The following RAB10 variants were observed in gnomAD, a reference collection of about 807,000 sequenced individuals.
RAB10 encodes the protein RAB10, member RAS oncogene family, also known as ras-related protein Rab-10.
A neutral mutation model predicts 25.7 loss-of-function variants in RAB10; 5 were observed. The observed-to-expected ratio is 0.19, with a 90% CI of 0.10 to 0.41. RAB10 has a LOEUF of 0.41. RAB10 is among the 10% of genes least tolerant of loss of function. The pLI is 1.00. For missense variants in RAB10, 103 were observed against 245.8 expected (o/e 0.42, Z 3.89); for synonymous variants, 89 against 86.4 (o/e 1.03, Z -0.16).
At chr2:26,042,124 A>AAT (rs2149261368) in intron 1 of RAB10, among the ~76,000 whole-genome samples, 1 of 152,202 alleles carries the variant, frequency 6.6e-6, no homozygotes, top group South Asian at 2.1e-4. Flanking sequence ...TGGATGTGCT[A>AAT]CCTTTTGGTG....
At chr2:26,049,255 G>C (rs867890089) in intron 1 of RAB10, among the ~76,000 whole-genome samples, 2 of 150,592 alleles carry the variant, frequency 1.3e-5, no homozygotes, top group African/African-American at 4.9e-5. Flanking sequence ...TAATATGAAG[G>C]CCTTTTCCCC....
intron 2 of RAB10, chr2:26,101,692 A>T (rs1339351797): frequency 7.2e-6 from 1 of 138,310 alleles, no homozygotes; most frequent in Non-Finnish European, 1.5e-5. Context: ...TTCACTGCAC[A>T]TGGGAAATGG....
chr2:26,077,922 C>T (rs1056462457), intron 1 of RAB10, among the ~76,000 whole-genome samples: 12 of 151,784 alleles, frequency 7.9e-5, no homozygotes, highest in Non-Finnish European at 1.5e-4. Flanking sequence ...GGGTTTGCAG[C>T]GAGCCAAGAT....
chr2:26,067,772 CAGAAGTT>C (rs1448185454), intron 1 of RAB10, among the ~76,000 whole-genome samples: 1 of 152,204 alleles, frequency 6.6e-6, no homozygotes, highest in Non-Finnish European at 1.5e-5. Flanking sequence ...AAGACCTTGT[CAGAAGTT>C]AGAAACACCA....
intron 1 of RAB10, among the ~76,000 whole-genome samples, chr2:26,050,980 G>A (rs192895943): frequency 1.8e-4 from 28 of 151,560 alleles, no homozygotes; most frequent in African/African-American, 6.8e-4. Flanking sequence ...GTGCAGTGGC[G>A]TGATCAGGGC....
chr2:26,083,477 G>T (rs931958429), intron 1 of RAB10, among the ~76,000 whole-genome samples: 4 of 123,686 alleles, frequency 3.2e-5, no homozygotes, highest in South Asian at 2.5e-4. Context: ...TTCCTTCCCT[G>T]TACTTTCCTT....
intron 1 of RAB10, among the ~76,000 whole-genome samples, chr2:26,086,020 G>GT (rs1199701330): frequency 7.1e-6 from 1 of 140,068 alleles, no homozygotes; most frequent in Non-Finnish European, 1.5e-5. Flanking sequence ...AAAAAAAAGG[G>GT]GGGGGGCAAA....
At position 26,083,459 on chromosome 2, in the gene RAB10, T is replaced by G. The variant is rs1332644913; in HGVS notation, c.128-15203T>G. On this transcript the variant is annotated intron_variant, in intron 1 of 5. Coordinates refer to ENST00000264710, the MANE Select transcript of RAB10 (RefSeq NM_016131.5). ...CCCCTCCCCCAAAACCTTCCCCTCC[T>G]TTCTCCTTTCCTTCCCTGTACTTTC... Among the ~76,000 whole-genome samples, 6 of 111,752 alleles carry G rather than the reference T, an allele frequency of 5.4e-5. 1 individual carries two copies. Among genetic ancestry groups the G allele is most frequent in the African/African-American group, 2.1e-4 (6 of 28,652 alleles). The allele number at this position is 111,752 out of a possible 152,430, so 73.3% of individuals were successfully genotyped here.
intron 1 of RAB10, among the ~76,000 whole-genome samples, chr2:26,058,274 CT>C (rs1666311016): frequency 6.6e-6 from 1 of 152,130 alleles, no homozygotes; most frequent in Admixed American, 6.6e-5. Flanking sequence ...TCTACAACCC[CT>C]TCTTGACAAG....
intron 1 of RAB10, among the ~76,000 whole-genome samples, chr2:26,074,421 ATATTT>A (rs994288386): frequency 6.6e-6 from 1 of 151,944 alleles, no homozygotes; most frequent in Non-Finnish European, 1.5e-5. Context: ...TTTAATTTTA[ATATTT>A]TATTTTTTTG....
At chr2:26,037,016 A>G (rs6709595) in intron 1 of RAB10, among the ~76,000 whole-genome samples, 113,306 of 151,774 alleles carry the variant, frequency 0.75, 42,518 homozygotes, top group East Asian at 0.87. Context: ...ACCTCAAGCA[A>G]TCCACCGCCC....
intron 1 of RAB10, among the ~76,000 whole-genome samples, chr2:26,049,411 CTTT>C (rs113360769): frequency 7.0e-6 from 1 of 141,874 alleles, no homozygotes; most frequent in Non-Finnish European, 1.5e-5. Context: ...TTTTTTCCCT[CTTT>C]TTTTTTTTTT....
At chr2:26,128,843 CAT>C (rs36080326) in intron 5 of RAB10, among the ~76,000 whole-genome samples, 116,376 of 151,914 alleles carry the variant, frequency 0.77, 44,632 homozygotes, top group East Asian at 0.87. Flanking sequence ...GTGTAAGTAA[CAT>C]GTAGTCAAAT....
At chr2:26,124,069 A>G (rs1667856339) in intron 3 of RAB10, among the ~76,000 whole-genome samples, 1 of 152,120 alleles carries the variant, frequency 6.6e-6, no homozygotes, top group Non-Finnish European at 1.5e-5. Flanking sequence ...TTTCTTCCTT[A>G]TGATTTTCTT....
At chr2:26,054,299 C>G (rs1413717776) in intron 1 of RAB10, among the ~76,000 whole-genome samples, 1 of 151,996 alleles carries the variant, frequency 6.6e-6, no homozygotes, top group African/African-American at 2.4e-5. Context: ...GGTGATCTGC[C>G]CGTCTTGGCC....
chr2:26,134,061 A>G (rs1447794030), intron 5 of RAB10, among the ~76,000 whole-genome samples: 2 of 152,134 alleles, frequency 1.3e-5, no homozygotes, highest in Non-Finnish European at 1.5e-5. Flanking sequence ...TTTACCACCT[A>G]AGGGTTGCTA....
At chr2:26,103,348 TG>T (rs1667384044) in intron 2 of RAB10, among the ~76,000 whole-genome samples, 2 of 152,236 alleles carry the variant, frequency 1.3e-5, no homozygotes, top group African/African-American at 4.8e-5. Flanking sequence ...GAACAGATCT[TG>T]CAGAAGCTCT....
chr2:26,110,004 C>T (rs1667537997), intron 3 of RAB10, 98 bp downstream of exon 3: 5 of 1,217,392 alleles, frequency 4.1e-6, no homozygotes, highest in East Asian at 2.8e-5. Flanking sequence ...ATATAATGTA[C>T]TGTTGAAGTC....
At chr2:26,133,532 A>G (rs1668048340) in intron 5 of RAB10, among the ~76,000 whole-genome samples, 1 of 152,202 alleles carries the variant, frequency 6.6e-6, no homozygotes, top group African/African-American at 2.4e-5. Context: ...TAGTTTGACA[A>G]TATATACTAA....
Sources: allele counts gnomAD v4.1 joint callset (sites outside exome capture counted in the v4.1 genomes callset), GRCh38; gene constraint gnomAD v4.1.1; transcripts MANE v1.5; gene names NCBI Gene and HGNC (gene_info 2026-07-23, HGNC 2026-07-21).